RANBP2: variants seen among roughly 807,000 people sequenced by gnomAD.
RANBP2 encodes the protein E3 SUMO-protein ligase RanBP2.
In RANBP2, 57 loss-of-function variants were observed where a neutral mutation model predicts 303.6. That is an observed-to-expected ratio of 0.19 (90% CI 0.15 to 0.23). The LOEUF is 0.23. RANBP2 is among the 10% of genes least tolerant of loss of function. The probability of loss-of-function intolerance (pLI) is 1.00; values close to 1 mark genes in which losing one functional copy is unlikely to be tolerated. For missense variants in RANBP2, 3,138 were observed against 3,780.8 expected (o/e 0.83, Z 4.46); for synonymous variants, 1,167 against 1,301.5 (o/e 0.90, Z 2.23).
At chr2:109,119,958 A>T in the RANBP2 span, among the ~76,000 whole-genome samples, 7 of 152,236 alleles carry the variant, frequency 4.6e-5, no homozygotes, top group African/African-American at 1.7e-4. Flanking sequence ...ATGAATTTAA[A>T]CAAATTCATA....
chr2:109,614,966 C>T, the RANBP2 span: 1 of 1,528,870 alleles, frequency 6.5e-7, no homozygotes, highest in Non-Finnish European at 8.8e-7. Context: ...ACTCGCGGCG[C>T]GACGTGCAGC....
At chr2:108,868,916 A>ATTC in the RANBP2 span, among the ~76,000 whole-genome samples, 1 of 151,672 alleles carries the variant, frequency 6.6e-6, no homozygotes, top group Admixed American at 6.6e-5. Context: ...AAAAAAATGA[A>ATTC]ATTTTTTTCT....
At chr2:108,725,862 G>T (rs1694661785) in intron 1 of RANBP2, among the ~76,000 whole-genome samples, 1 of 151,992 alleles carries the variant, frequency 6.6e-6, no homozygotes, top group African/African-American at 2.4e-5. Context: ...GCCAGTGCTG[G>T]GATTGCAGGT....
the RANBP2 span, among the ~76,000 whole-genome samples, chr2:108,980,276 G>C: frequency 2.0e-5 from 3 of 151,954 alleles, no homozygotes; most frequent in Admixed American, 2.0e-4. Context: ...AGAATCCCAG[G>C]GAGGCCCAGG....
the RANBP2 span, among the ~76,000 whole-genome samples, chr2:109,361,403 A>G: frequency 6.6e-6 from 1 of 152,166 alleles, no homozygotes; most frequent in African/African-American, 2.4e-5. Flanking sequence ...CTTCATTTAT[A>G]TGTTTGGTAG....
At chr2:109,142,446 C>T in the RANBP2 span, among the ~76,000 whole-genome samples, 1 of 152,218 alleles carries the variant, frequency 6.6e-6, no homozygotes, top group African/African-American at 2.4e-5. Context: ...TGACTTCTTC[C>T]CATTCCCTGG....
At chr2:108,981,842 T>A in the RANBP2 span, among the ~76,000 whole-genome samples, 1 of 152,162 alleles carries the variant, frequency 6.6e-6, no homozygotes, top group Non-Finnish European at 1.5e-5. Context: ...TGTGAAGCAG[T>A]GATGATTGTC....
At chr2:109,207,482 C>T in the RANBP2 span, among the ~76,000 whole-genome samples, 4 of 152,130 alleles carry the variant, frequency 2.6e-5, no homozygotes, top group South Asian at 6.2e-4. Flanking sequence ...TAATGTTATG[C>T]AGCAGAACCA....
the RANBP2 span, among the ~76,000 whole-genome samples, chr2:109,347,370 A>G: frequency 1.3e-5 from 2 of 152,024 alleles, no homozygotes; most frequent in Admixed American, 6.6e-5. Context: ...AAATGAAGAC[A>G]AGCCAGCACC....
At chr2:108,732,990 A>C (rs1695295475) in intron 4 of RANBP2, among the ~76,000 whole-genome samples, 1 of 151,744 alleles carries the variant, frequency 6.6e-6, no homozygotes, top group Non-Finnish European at 1.5e-5. Flanking sequence ...TGTCCCGCTT[A>C]TTTTTGTATT....
the RANBP2 span, among the ~76,000 whole-genome samples, chr2:109,219,118 T>G: frequency 6.6e-6 from 1 of 152,212 alleles, no homozygotes; most frequent in African/African-American, 2.4e-5. Flanking sequence ...TGACTGGCTT[T>G]GTGGAGTTCC....
chr2:108,755,602 C>A (rs1676248421), intron 17 of RANBP2, among the ~76,000 whole-genome samples: 1 of 151,618 alleles, frequency 6.6e-6, no homozygotes, highest in Non-Finnish European at 1.5e-5. Flanking sequence ...CCATGTTGCC[C>A]AGGGTGGCCT....
At chr2:109,592,219 C>G in the RANBP2 span, among the ~76,000 whole-genome samples, 1 of 151,808 alleles carries the variant, frequency 6.6e-6, no homozygotes, top group African/African-American at 2.4e-5. Context: ...AATCCTAGCA[C>G]TTTGGGAGGC....
At chr2:109,109,606 C>A in the RANBP2 span, among the ~76,000 whole-genome samples, 14 of 152,138 alleles carry the variant, frequency 9.2e-5, no homozygotes, top group Non-Finnish European at 1.8e-4. Flanking sequence ...CAACACAGTG[C>A]TGATTAATAA....
intron 4 of RANBP2, among the ~76,000 whole-genome samples, chr2:108,734,204 G>C (rs533591378): frequency 2.0e-5 from 3 of 151,038 alleles, no homozygotes; most frequent in Admixed American, 6.6e-5. Context: ...GGGGAAAGAC[G>C]AGTTTAAGTA....
the RANBP2 span, among the ~76,000 whole-genome samples, chr2:109,704,945 C>T: frequency 6.6e-6 from 1 of 152,090 alleles, no homozygotes; most frequent in Non-Finnish European, 1.5e-5. Flanking sequence ...GTACAGGATG[C>T]TCAAACCCCT....
At chr2:108,962,607 G>A in the RANBP2 span, among the ~76,000 whole-genome samples, 6 of 150,630 alleles carry the variant, frequency 4.0e-5, no homozygotes, top group East Asian at 3.9e-4. Context: ...CCCAGGAGGC[G>A]GAGCTTGCAG....
At chr2:109,104,045 C>T in the RANBP2 span, among the ~76,000 whole-genome samples, 2 of 152,180 alleles carry the variant, frequency 1.3e-5, no homozygotes, top group Non-Finnish European at 2.9e-5. Flanking sequence ...CCGCCCGCCT[C>T]GGCCTCCCGA....
At chr2:109,673,201 T>C in the RANBP2 span, among the ~76,000 whole-genome samples, 1 of 152,226 alleles carries the variant, frequency 6.6e-6, no homozygotes, top group Non-Finnish European at 1.5e-5. Flanking sequence ...CCTAACTCTA[T>C]GTGAACATGA....
Sources: allele counts gnomAD v4.1 joint callset (sites outside exome capture counted in the v4.1 genomes callset), GRCh38; gene constraint gnomAD v4.1.1; transcripts MANE v1.5; gene names NCBI Gene and HGNC (gene_info 2026-07-23, HGNC 2026-07-21).